The following TPD52L1 variants were observed in gnomAD, a reference collection of about 807,000 sequenced individuals.
TPD52L1 encodes the protein TPD52 like 1.
In TPD52L1, 18 loss-of-function variants were observed where a neutral mutation model predicts 28.7. The observed-to-expected ratio is 0.63, with a 90% CI of 0.43 to 0.93. TPD52L1 has a LOEUF of 0.93. TPD52L1 is among the 40% of genes least tolerant of loss of function. The pLI is 0.00. For synonymous variants in TPD52L1, 75 were observed against 88.8 expected (o/e 0.84, Z 0.88); for missense variants, 203 against 254.8 (o/e 0.80, Z 1.39).
At chr6:125,209,993 C>G (rs1794392639) in intron 1 of TPD52L1, among the ~76,000 whole-genome samples, 1 of 151,942 alleles carries the variant, frequency 6.6e-6, no homozygotes, top group Admixed American at 6.5e-5. Flanking sequence ...TGCCTGAATT[C>G]TATGATATTA....
intron 1 of TPD52L1, among the ~76,000 whole-genome samples, chr6:125,179,015 C>T (rs1247072312): frequency 1.3e-5 from 2 of 152,180 alleles, no homozygotes; most frequent in African/African-American, 4.8e-5. Flanking sequence ...ATGTCTTTGG[C>T]TCTTAAAATA....
At chr6:125,184,029 C>T (rs1435530755) in intron 1 of TPD52L1, among the ~76,000 whole-genome samples, 1 of 152,126 alleles carries the variant, frequency 6.6e-6, no homozygotes, top group Non-Finnish European at 1.5e-5. Flanking sequence ...AGGATGGAAT[C>T]CACCCGTCTA....
At chr6:125,165,827 G>C (rs961139357) in intron 1 of TPD52L1, among the ~76,000 whole-genome samples, 2 of 152,142 alleles carry the variant, frequency 1.3e-5, no homozygotes, top group Admixed American at 6.5e-5. Flanking sequence ...GTAATTCTTA[G>C]AACCAGTATA....
chr6:125,230,483 C>T (rs985328733), intron 3 of TPD52L1, among the ~76,000 whole-genome samples: 3 of 152,088 alleles, frequency 2.0e-5, no homozygotes, highest in African/African-American at 4.8e-5. Context: ...ATTCCTAATA[C>T]CTAAGTGGGA....
At chr6:125,173,485 G>A (rs1192022769) in intron 1 of TPD52L1, among the ~76,000 whole-genome samples, 1 of 152,184 alleles carries the variant, frequency 6.6e-6, no homozygotes, top group Non-Finnish European at 1.5e-5. Flanking sequence ...AGGAGGTGCA[G>A]CTTCTGATCT....
At chr6:125,230,396 A>G (rs561791634) in intron 3 of TPD52L1, among the ~76,000 whole-genome samples, 91 of 152,232 alleles carry the variant, frequency 6.0e-4, no homozygotes, top group African/African-American at 2.1e-3. Flanking sequence ...TTAGTCCCAA[A>G]TTTCACCATT....
intron 3 of TPD52L1, among the ~76,000 whole-genome samples, chr6:125,234,752 T>G (rs1796153862): frequency 6.6e-6 from 1 of 152,132 alleles, no homozygotes; most frequent in Admixed American, 6.5e-5. Context: ...AAAACAATCT[T>G]AAGTATTAAA....
At chr6:125,251,918 T>C in intron 4 of TPD52L1, 2 of 1,183,958 alleles carry the variant, frequency 1.7e-6, no homozygotes, top group African/African-American at 1.5e-5. Context: ...CTGTCTGTGC[T>C]CTGGGGCCCT....
At position 125,153,844 on chromosome 6, in the gene TPD52L1, G is replaced by A; in HGVS notation, c.-108G>A. ...AGCGCTCGCGACACGCGTGCCAGGA[G>A]TGGGAGCGAGCGGCGGGGCCAGCTG... On this transcript the variant is annotated 5_prime_UTR_variant, in exon 1 of 7. It adds an upstream start codon to the 5' untranslated region. Transcript: ENST00000534000. The A allele has an allele frequency of 7.5e-7, 1 of 1,333,080 alleles. No homozygotes were observed. Among genetic ancestry groups the A allele is most frequent in the South Asian group, 1.4e-5 (1 of 70,708 alleles). 82.6% of individuals were successfully genotyped at this position (1,333,080 alleles called of 1,614,324 possible).
At chr6:125,170,775 C>T (rs1226510967) in intron 1 of TPD52L1, among the ~76,000 whole-genome samples, 1 of 152,142 alleles carries the variant, frequency 6.6e-6, no homozygotes, top group Non-Finnish European at 1.5e-5. Context: ...AACACCTGTT[C>T]AGAGCCTTTG....
intron 1 of TPD52L1, among the ~76,000 whole-genome samples, chr6:125,191,709 A>G (rs1793055501): frequency 6.6e-6 from 1 of 152,166 alleles, no homozygotes. Context: ...GAGGAGAGAG[A>G]GAGCTGGGAG....
intron 3 of TPD52L1, among the ~76,000 whole-genome samples, chr6:125,232,209 C>T (rs963526390): frequency 1.3e-5 from 2 of 152,170 alleles, no homozygotes; most frequent in African/African-American, 4.8e-5. Flanking sequence ...GTCATGAACT[C>T]ACTAACCTTT....
chr6:125,195,407 A>G (rs1793358931), intron 1 of TPD52L1, among the ~76,000 whole-genome samples: 2 of 152,176 alleles, frequency 1.3e-5, no homozygotes, highest in South Asian at 4.1e-4. Context: ...TTTAAATCAT[A>G]TTTATTTTCA....
chr6:125,207,420 C>T (rs1241308209), intron 1 of TPD52L1, among the ~76,000 whole-genome samples: 10 of 152,184 alleles, frequency 6.6e-5, no homozygotes, highest in Admixed American at 6.5e-4. Flanking sequence ...GGAAATGCCA[C>T]CTATGGAAGA....
intron 1 of TPD52L1, among the ~76,000 whole-genome samples, chr6:125,210,032 T>C (rs141124944): frequency 2.6e-5 from 4 of 152,266 alleles, no homozygotes; most frequent in African/African-American, 9.6e-5. Flanking sequence ...AGAGCTCTTC[T>C]TTGAAAAAAA....
At chr6:125,223,084 A>G (rs1354759510) in intron 2 of TPD52L1, among the ~76,000 whole-genome samples, 3 of 152,154 alleles carry the variant, frequency 2.0e-5, no homozygotes, top group Non-Finnish European at 4.4e-5. Flanking sequence ...TTAGCTTTTC[A>G]CTTGAATTAA....
chr6:125,200,594 A>G (rs1313875427), intron 1 of TPD52L1, among the ~76,000 whole-genome samples: 2 of 152,228 alleles, frequency 1.3e-5, no homozygotes, highest in Non-Finnish European at 1.5e-5. Flanking sequence ...AGCAGCCAAC[A>G]TTAACAATTT....
intron 1 of TPD52L1, among the ~76,000 whole-genome samples, chr6:125,177,344 AT>A (rs1167485007): frequency 6.6e-6 from 1 of 151,998 alleles, no homozygotes; most frequent in Non-Finnish European, 1.5e-5. Context: ...TGAACTCCTG[AT>A]TTTTCCCCTG....
At position 125,154,269 on chromosome 6, in the gene TPD52L1, T is replaced by A. The variant is rs891078192; in HGVS notation, c.19+299T>A. On this transcript the variant is annotated intron_variant, in intron 1 of 6. Transcript: ENST00000534000. ...CCAGTCGCCCCTGGCCTTCCCAACC[T>A]CGCGGCTGCCCGAAGGACCTGTTGT... The A allele has an allele frequency of 3.3e-6, 4 of 1,210,404 alleles. No homozygotes were observed. The Admixed American group carries it at 1.8e-4, about 54-fold the overall frequency. 75.0% of individuals were successfully genotyped at this position (1,210,404 alleles called of 1,614,324 possible).
Sources: allele counts gnomAD v4.1 joint callset (sites outside exome capture counted in the v4.1 genomes callset), GRCh38; gene constraint gnomAD v4.1.1; transcripts MANE v1.5; gene names NCBI Gene and HGNC (gene_info 2026-07-23, HGNC 2026-07-21).